BANK1: variants seen among roughly 807,000 people sequenced by gnomAD.
BANK1 encodes the protein B-cell scaffold protein with ankyrin repeats.
A neutral mutation model predicts 94.5 loss-of-function variants in BANK1; 95 were observed. That is an observed-to-expected ratio of 1.00 (90% CI 0.85 to 1.19). The LOEUF (loss-of-function observed/expected upper bound fraction) is 1.19, where lower values mean the gene tolerates loss of function less well. Ranked by LOEUF, BANK1 falls within the 50% of genes most tolerant of loss-of-function variation. The pLI, the probability that BANK1 is intolerant of heterozygous loss-of-function variation, is 0.00. For missense variants in BANK1, 987 were observed against 932.2 expected, an observed-to-expected ratio of 1.06 and a Z score of -0.77; for synonymous variants, 334 against 308.4, an observed-to-expected ratio of 1.08 and a Z score of -0.87.
chr4:101,877,841 C>T (rs559227027), intron 5 of BANK1, among the ~76,000 whole-genome samples: 114 of 152,074 alleles, frequency 7.5e-4, no homozygotes, highest in South Asian at 2.5e-3. Flanking sequence ...GCCAAGATTG[C>T]GCCACTGCAC....
rs912785657 is a variant in BANK1 at position 102,056,887 on chromosome 4, T to C, written c.1970-3324T>C. Reference sequence around the variant, plus strand: ...CAGTTATGGTGGCGCACGCCTGTAATCCCTCTACTCAAGAGGCTGAGACAG... The same window carrying C: ...CAGTTATGGTGGCGCACGCCTGTAACCCCTCTACTCAAGAGGCTGAGACAG... On this transcript the variant is annotated intron_variant, in intron 11 of 16. Coordinates refer to ENST00000322953, the MANE Select transcript of BANK1 (RefSeq NM_017935.5). Among the ~76,000 whole-genome samples, 8 of 152,090 alleles carry C rather than the reference T, an allele frequency of 5.3e-5. No homozygotes were observed. In the East Asian group the frequency reaches 7.7e-4, roughly 15 times the overall value.
At chr4:101,898,442 C>T (rs1480687671) in intron 6 of BANK1, among the ~76,000 whole-genome samples, 1 of 152,068 alleles carries the variant, frequency 6.6e-6, no homozygotes, top group Non-Finnish European at 1.5e-5. Context: ...CCCCAGGTAT[C>T]TATCCTGAGG....
Position 101,829,803 on chromosome 4 carries a change from TCCAG to T in BANK1, c.71-4_71-1del. On this transcript the variant is annotated splice_acceptor_variant and splice_polypyrimidine_tract_variant and intron_variant, in intron 1 of 16. Transcript: ENST00000322953. LOFTEE classifies it high-confidence loss of function. Reference sequence around the variant, plus strand: ...AATATAAGAAAATATTTTTTCTTTTTCCAGGAAATACAAAAGATATAATAATGAT... The same window carrying T: ...AATATAAGAAAATATTTTTTCTTTTTGAAATACAAAAGATATAATAATGAT... 2 of 1,504,454 alleles carry T rather than the reference TCCAG, an allele frequency of 1.3e-6. No individual in the cohort carries two copies. Among genetic ancestry groups the T allele is most frequent in the Admixed American group, 2.3e-5 (1 of 43,158 alleles). 93.2% of individuals were successfully genotyped at this position (1,504,454 alleles called of 1,614,324 possible).
At chr4:102,005,674 A>G (rs1047301141) in intron 7 of BANK1, among the ~76,000 whole-genome samples, 7 of 152,070 alleles carry the variant, frequency 4.6e-5, no homozygotes, top group African/African-American at 1.7e-4. Context: ...GAAAATATTT[A>G]TTGAGCATTT....
At chr4:101,898,634 C>A (rs1365023338) in intron 6 of BANK1, among the ~76,000 whole-genome samples, 2 of 151,906 alleles carry the variant, frequency 1.3e-5, no homozygotes, top group Admixed American at 6.6e-5. Flanking sequence ...CCTGCAGATA[C>A]CTATGGTTCT....
chr4:101,901,804 A>G (rs930320602), intron 6 of BANK1, among the ~76,000 whole-genome samples: 1 of 151,662 alleles, frequency 6.6e-6, no homozygotes. Flanking sequence ...TCTGTCGCCC[A>G]GGCTGGAGTG....
At position 102,074,571 on chromosome 4, in the gene BANK1, A is replaced by G. The variant is rs1728862683; in HGVS notation, c.*572A>G. On this transcript the variant is annotated 3_prime_UTR_variant, in exon 17 of 17. Transcript: ENST00000322953. ...AACATTATTATTTGAAAACTTTTCTATATCTCAAATTAATATACATTTTCA... is the reference window on the plus strand; with the variant it reads ...AACATTATTATTTGAAAACTTTTCTGTATCTCAAATTAATATACATTTTCA... 1 of 152,062 alleles carries G rather than the reference A, an allele frequency of 6.6e-6. No individual in the cohort carries two copies. Among genetic ancestry groups the G allele is most frequent in the Non-Finnish European group, 1.5e-5 (1 of 67,902 alleles). 9.4% of individuals were successfully genotyped at this position (152,062 alleles called of 1,614,324 possible).
chr4:101,961,123 G>A (rs1560654192), intron 7 of BANK1, among the ~76,000 whole-genome samples: 1 of 152,156 alleles, frequency 6.6e-6, no homozygotes, highest in African/African-American at 2.4e-5. Flanking sequence ...TTATTGGCCA[G>A]TAAATGCAAA....
intron 10 of BANK1, among the ~76,000 whole-genome samples, chr4:102,030,809 T>C (rs1727281092): frequency 6.6e-6 from 1 of 152,222 alleles, no homozygotes; most frequent in Non-Finnish European, 1.5e-5. Context: ...ATGGTGTATA[T>C]ATGCCACATT....
intron 7 of BANK1, among the ~76,000 whole-genome samples, chr4:101,985,998 A>T (rs1336813408): frequency 6.6e-6 from 1 of 152,164 alleles, no homozygotes; most frequent in Non-Finnish European, 1.5e-5. Context: ...CCATTCAGAA[A>T]ATATGTATTT....
At chr4:102,071,391 A>T in intron 14 of BANK1, 87 bp downstream of exon 14, 2 of 1,299,402 alleles carry the variant, frequency 1.5e-6, no homozygotes, top group African/African-American at 2.9e-5. Context: ...ACCTAATGTG[A>T]TTAAGCAAGT....
chr4:101,976,013 A>G (rs2148925184), intron 7 of BANK1, among the ~76,000 whole-genome samples: 1 of 152,206 alleles, frequency 6.6e-6, no homozygotes, highest in Middle Eastern at 3.4e-3. Context: ...TCCCCAAACC[A>G]GGGGAAGAAG....
chr4:101,828,041 T>C (rs927378694), intron 1 of BANK1, among the ~76,000 whole-genome samples: 2 of 151,874 alleles, frequency 1.3e-5, no homozygotes, highest in African/African-American at 4.8e-5. Flanking sequence ...TTTATATTAT[T>C]ATAACTATAA....
chr4:101,952,699 C>T (rs1007294923), intron 7 of BANK1, among the ~76,000 whole-genome samples: 4 of 152,076 alleles, frequency 2.6e-5, no homozygotes, highest in East Asian at 1.9e-4. Context: ...ACCTTGATTA[C>T]GGCAAATCCA....
At chr4:101,870,454 A>G (rs1366497890) in intron 4 of BANK1, 51 bp from the exon 5 acceptor site, 5 of 1,491,100 alleles carry the variant, frequency 3.4e-6, no homozygotes, top group South Asian at 1.4e-5. Context: ...ATGTAATAGT[A>G]TGAATATGCA....
intron 5 of BANK1, among the ~76,000 whole-genome samples, chr4:101,871,669 C>T (rs1360532482): frequency 6.6e-6 from 1 of 152,050 alleles, no homozygotes; most frequent in Non-Finnish European, 1.5e-5. Context: ...AATTCCAAAG[C>T]AAGTAGAAAA....
Position 101,790,915 on chromosome 4 carries a change from G to T in BANK1, c.35G>T (p.Ser12Ile). The change falls in exon 1 of 17, where the codon AGC becomes ATC. Residue 12 changes from serine (S) to isoleucine (I), a missense_variant. Coordinates refer to ENST00000322953, the MANE Select transcript of BANK1 (RefSeq NM_017935.5). The part of the protein sequence containing the change: ...LPAAPGKGLG[S>I]PDPAPCGPAP... ...GCAGCGCCAGGCAAGGGGCTTGGGA[G>T]CCCGGACCCCGCCCCCTGCGGCCCA... is the stretch of plus-strand genomic sequence containing the variant. 1 of 1,536,790 alleles carries T rather than the reference G, an allele frequency of 6.5e-7. No homozygotes were observed. The highest frequency in any genetic ancestry group is 1.2e-5 in the South Asian group (1 of 83,916).
intron 15 of BANK1, among the ~76,000 whole-genome samples, chr4:102,073,283 C>T (rs932315439): frequency 6.6e-6 from 1 of 150,576 alleles, no homozygotes; most frequent in Non-Finnish European, 1.5e-5. Context: ...ATATTATAGA[C>T]TCATTAGACT....
At chr4:101,820,941 C>T (rs1020814552) in intron 1 of BANK1, among the ~76,000 whole-genome samples, 5 of 152,084 alleles carry the variant, frequency 3.3e-5, no homozygotes, top group South Asian at 2.1e-4. Flanking sequence ...CATTCACGTG[C>T]ATGTGTCTTT....
Sources: gnomAD v4.1 joint callset for allele counts (sites outside exome capture counted in the v4.1 genomes callset) on GRCh38, gnomAD v4.1.1 for gene constraint, MANE v1.5 for transcripts, NCBI Gene and HGNC (gene_info 2026-07-23, HGNC 2026-07-21) for gene names.